Variants in SLC4A1AP observed in about 807,000 individuals in gnomAD.
SLC4A1AP encodes the protein solute carrier family 4 member 1 adaptor protein, also known as kanadaptin.
Under a neutral mutation model 89.7 loss-of-function variants are expected in SLC4A1AP, and 64 were observed. The ratio of observed to expected loss-of-function variants is 0.71; its 90% CI spans 0.58 to 0.88. The LOEUF (loss-of-function observed/expected upper bound fraction) is 0.88, where lower values mean the gene tolerates loss of function less well. Ranked by LOEUF, SLC4A1AP falls within the 40% of genes least tolerant of loss-of-function variation. The probability of loss-of-function intolerance (pLI) is 0.00; values close to 1 mark genes in which losing one functional copy is unlikely to be tolerated. For missense variants in SLC4A1AP, 931 were observed against 965.0 expected (o/e 0.96, Z 0.47); for synonymous variants, 366 against 353.3 (o/e 1.04, Z -0.40).
rs561261917 is a variant in SLC4A1AP, at chr2:27,688,680, G to GT, written c.2204-11dup. 3.4e-3 allele frequency: 4,952 copies of GT among 1,470,370 alleles called. No individual in the cohort carries two copies. The highest frequency in any genetic ancestry group is 4.0e-3 in the Admixed American group (197 of 48,700). 91.1% of individuals were successfully genotyped at this position (1,470,370 alleles called of 1,614,324 possible). A position where few individuals can be genotyped will look rare whatever the true frequency, so the allele number is the denominator to read the frequency against. ...CTTATACTGAAAATAGCTATTGCCA[G>GT]TTTTTTTTTCTTAAATTAGCATCAA... On this transcript the variant is annotated intron_variant, in intron 11 of 13. Transcript: ENST00000613058.
At chr2:27,668,970 T>C (rs1194813565) in intron 4 of SLC4A1AP, 67 bp downstream of exon 4, 1 of 1,429,894 alleles carries the variant, frequency 7.0e-7, no homozygotes, top group African/African-American at 1.4e-5. Context: ...TGTATGGTTA[T>C]AGATAACAAC....
At position 27,688,922 on chromosome 2, in the gene SLC4A1AP, T is replaced by A. The variant is rs1326425450; in HGVS notation, c.2271+155T>A. Among the ~76,000 whole-genome samples, 5 of 152,206 alleles carry A rather than the reference T, an allele frequency of 3.3e-5. No homozygotes were observed. In the East Asian group the frequency reaches 9.6e-4, roughly 29 times the overall value. The stretch of plus-strand genomic sequence containing the variant: ...ATTCTTTGATTTTTGTTTTTGAATT[T>A]TCTGTTGTCTTTATCACTCTTTTCC... On this transcript the variant is annotated intron_variant, in intron 12 of 13. Coordinates refer to ENST00000613058, the Ensembl canonical transcript of SLC4A1AP.
At chr2:27,682,205 G>C (rs1405608284) in intron 8 of SLC4A1AP, 43 bp from the exon 9 acceptor site, 10 of 1,301,028 alleles carry the variant, frequency 7.7e-6, no homozygotes, top group Non-Finnish European at 1.1e-5. Context: ...TAAAACCTTG[G>C]GACTCCCTGG....
chr2:27,692,456 G>T (rs1242360640), intron 12 of SLC4A1AP: 1 of 152,198 alleles, frequency 6.6e-6, no homozygotes, highest in Non-Finnish European at 1.5e-5. Context: ...CTGATGAGAA[G>T]ATTGTATATT....
intron 12 of SLC4A1AP, among the ~76,000 whole-genome samples, chr2:27,690,274 C>T (rs1675769238): frequency 6.6e-6 from 1 of 151,988 alleles, no homozygotes; most frequent in Admixed American, 6.6e-5. Flanking sequence ...ACATTGTACC[C>T]AATATGCAAT....
intron 5 of SLC4A1AP, among the ~76,000 whole-genome samples, chr2:27,669,694 A>G (rs1277964508): frequency 1.3e-5 from 2 of 152,042 alleles, no homozygotes; most frequent in South Asian, 2.1e-4. Context: ...GGATGTTGTT[A>G]TTATTATTAT....
intron 13 of SLC4A1AP, 42 bp from the exon 14 acceptor site, chr2:27,694,592 G>T: frequency 7.0e-7 from 1 of 1,436,880 alleles, no homozygotes; most frequent in East Asian, 2.4e-5. Context: ...CCTGACTTTG[G>T]AAGAGTAAAT....
At chr2:27,679,849 G>T (rs1283061713) in intron 8 of SLC4A1AP, among the ~76,000 whole-genome samples, 4 of 152,108 alleles carry the variant, frequency 2.6e-5, no homozygotes, top group Non-Finnish European at 5.9e-5. Context: ...GACTGAATCG[G>T]AGATTCATCT....
At chr2:27,693,482 G>A in intron 12 of SLC4A1AP, 1 of 545,238 alleles carries the variant, frequency 1.8e-6, no homozygotes, top group Non-Finnish European at 3.3e-6. Flanking sequence ...GTCTGGTAGT[G>A]ACAAATTCCC....
intron 5 of SLC4A1AP, 92 bp from the exon 6 acceptor site, chr2:27,675,440 T>C: frequency 3.8e-6 from 3 of 796,342 alleles, no homozygotes. Context: ...CAGTAGTTGA[T>C]GGTGACATTT....
intron 5 of SLC4A1AP, among the ~76,000 whole-genome samples, chr2:27,675,216 G>C (rs778460212): frequency 2.0e-4 from 31 of 152,126 alleles, no homozygotes; most frequent in Admixed American, 9.8e-4. Context: ...TACTGAAATT[G>C]GTATCTGTTA....
chr2:27,677,446 A>C, intron 7 of SLC4A1AP, 82 bp downstream of exon 7: 1 of 922,620 alleles, frequency 1.1e-6, no homozygotes, highest in Non-Finnish European at 1.7e-6. Context: ...GTTAATAAGA[A>C]ATACCATACA....
At chr2:27,665,919 G>A (rs1436668036) in intron 2 of SLC4A1AP, among the ~76,000 whole-genome samples, 1 of 152,204 alleles carries the variant, frequency 6.6e-6, no homozygotes, top group Non-Finnish European at 1.5e-5. Flanking sequence ...GAAACCATAA[G>A]TATGCTAGAG....
intron 6 of SLC4A1AP, among the ~76,000 whole-genome samples, chr2:27,676,444 A>G (rs750729430): frequency 1.3e-5 from 2 of 152,218 alleles, no homozygotes; most frequent in Admixed American, 6.5e-5. Flanking sequence ...CTTCTGAGTA[A>G]AATGAAGTCC....
intron 9 of SLC4A1AP, 33 bp downstream of exon 9, chr2:27,682,392 C>T (rs1362453666): frequency 7.5e-7 from 1 of 1,340,226 alleles, no homozygotes. Flanking sequence ...AAACTTTTAG[C>T]CCTTGAGTTA....
chr2:27,677,396 C>G (rs747789700), intron 7 of SLC4A1AP, 32 bp downstream of exon 7: 1 of 1,425,998 alleles, frequency 7.0e-7, no homozygotes. Flanking sequence ...TATTAATATA[C>G]CACATATAGT....
At chr2:27,693,069 T>TGGG (rs1457458937) in intron 12 of SLC4A1AP, 3 of 152,330 alleles carry the variant, frequency 2.0e-5, no homozygotes, top group Non-Finnish European at 4.4e-5. Flanking sequence ...CCCGAGTAGC[T>TGGG]GGGACTACAG....
At chr2:27,681,325 GT>G (rs1675615789) in intron 8 of SLC4A1AP, among the ~76,000 whole-genome samples, 1 of 152,186 alleles carries the variant, frequency 6.6e-6, no homozygotes, top group Admixed American at 6.5e-5. Context: ...GGACTTAAGA[GT>G]GCTACTAAGG....
At chr2:27,664,425 G>C (rs367822023) in exon 1 of SLC4A1AP, 1 of 1,614,104 alleles carries the variant, frequency 6.2e-7, no homozygotes, top group Non-Finnish European at 8.5e-7. Context: ...CGGAGAATGC[G>C]ACAGCAACGG....
Sources: gnomAD v4.1 joint callset for allele counts (sites outside exome capture counted in the v4.1 genomes callset) on GRCh38, gnomAD v4.1.1 for gene constraint, MANE v1.5 for transcripts, NCBI Gene and HGNC (gene_info 2026-07-23, HGNC 2026-07-21) for gene names.